Variants in RUNDC3B observed in about 807,000 individuals in gnomAD.
The protein encoded by RUNDC3B is RUN domain-containing protein 3B.
Under a neutral mutation model 58.4 loss-of-function variants are expected in RUNDC3B, and 33 were observed. That is an observed-to-expected ratio of 0.56 (90% CI 0.43 to 0.75). The LOEUF is 0.75. Ranked by LOEUF, RUNDC3B falls within the 30% of genes least tolerant of loss-of-function variation. The pLI, the probability that RUNDC3B is intolerant of heterozygous loss-of-function variation, is 0.00. For synonymous variants in RUNDC3B, 193 were observed against 195.2 expected (o/e 0.99, Z 0.10); for missense variants, 501 against 535.7 (o/e 0.94, Z 0.64).
At chr7:87,697,537 AT>A (rs1828598787) in intron 2 of RUNDC3B, among the ~76,000 whole-genome samples, 1 of 152,214 alleles carries the variant, frequency 6.6e-6, no homozygotes. Context: ...AGTTTGGAAG[AT>A]TTCTCTAGAT....
chr7:87,749,929 C>G (rs1832865871), intron 6 of RUNDC3B, among the ~76,000 whole-genome samples: 1 of 151,454 alleles, frequency 6.6e-6, no homozygotes, highest in African/African-American at 2.4e-5. Flanking sequence ...GCACAATGTG[C>G]AGGTTACTTA....
At chr7:87,653,076 A>C (rs544950343) in intron 2 of RUNDC3B, among the ~76,000 whole-genome samples, 1 of 152,176 alleles carries the variant, frequency 6.6e-6, no homozygotes, top group East Asian at 1.9e-4. Context: ...ATTGAAGAAA[A>C]GGAGGCTTTT....
At chr7:87,788,526 C>T (rs1392599879) in intron 8 of RUNDC3B, among the ~76,000 whole-genome samples, 1 of 152,052 alleles carries the variant, frequency 6.6e-6, no homozygotes, top group Non-Finnish European at 1.5e-5. Flanking sequence ...TTATGGAAAT[C>T]TGTGTACAGC....
intron 1 of RUNDC3B, among the ~76,000 whole-genome samples, chr7:87,633,585 T>G (rs1268799745): frequency 6.6e-6 from 1 of 152,242 alleles, no homozygotes; most frequent in Admixed American, 6.5e-5. Context: ...AGCAGTTCTT[T>G]TCTTTGTACT....
intron 2 of RUNDC3B, among the ~76,000 whole-genome samples, chr7:87,670,518 G>C (rs1161530275): frequency 1.3e-5 from 2 of 152,124 alleles, no homozygotes; most frequent in Non-Finnish European, 2.9e-5. Context: ...TTGGGGAATG[G>C]GTGTGGTCAT....
intron 10 of RUNDC3B, among the ~76,000 whole-genome samples, chr7:87,824,617 G>A (rs541886179): frequency 3.9e-5 from 6 of 152,334 alleles, no homozygotes; most frequent in African/African-American, 1.2e-4. Flanking sequence ...ACAGGCAGAG[G>A]TTGGAACAGT....
chr7:87,816,359 T>C, intron 10 of RUNDC3B, 97 bp downstream of exon 10: 2 of 856,324 alleles, frequency 2.3e-6, no homozygotes, highest in South Asian at 2.0e-5. Context: ...GACATCTCTG[T>C]TAATCATGCT....
intron 2 of RUNDC3B, chr7:87,694,110 T>C: frequency 7.0e-7 from 1 of 1,426,528 alleles, no homozygotes; most frequent in Non-Finnish European, 9.3e-7. Context: ...GTTTTTTTTT[T>C]TTAATCCAGA....
rs146431427 is a variant in RUNDC3B, at chr7:87,660,010, G to A, written c.238+9073G>A. ...TCTACTTTGCCAGATTTAGGATTTC[G>A]GTTTGATAACATTTTAGAGGTTTAG... is the stretch of plus-strand genomic sequence containing the variant. On this transcript the variant is annotated intron_variant, in intron 2 of 10. Transcript: ENST00000394654. Among the ~76,000 whole-genome samples, 563 of 152,100 alleles carry A rather than the reference G, an allele frequency of 3.7e-3. 1 individual carries two copies. Among genetic ancestry groups the A allele is most frequent in the Non-Finnish European group, 5.6e-3 (378 of 67,960 alleles).
chr7:87,704,558 C>T (rs148164401), intron 3 of RUNDC3B, among the ~76,000 whole-genome samples: 29 of 152,310 alleles, frequency 1.9e-4, no homozygotes, highest in African/African-American at 7.0e-4. Flanking sequence ...GACCAACTCT[C>T]TTAACAAGGC....
intron 2 of RUNDC3B, among the ~76,000 whole-genome samples, chr7:87,656,600 A>T (rs748545165): frequency 1.6e-4 from 24 of 152,106 alleles, no homozygotes; most frequent in Non-Finnish European, 3.2e-4. Context: ...AAATAGAATA[A>T]AGAAGAGAAA....
intron 2 of RUNDC3B, among the ~76,000 whole-genome samples, chr7:87,659,034 G>A: frequency 6.6e-6 from 1 of 152,038 alleles, no homozygotes. Flanking sequence ...GCGTCTGTGG[G>A]TCCCACCTAT....
At chr7:87,768,771 G>A (rs920370409) in intron 6 of RUNDC3B, among the ~76,000 whole-genome samples, 2 of 151,978 alleles carry the variant, frequency 1.3e-5, no homozygotes, top group African/African-American at 4.8e-5. Flanking sequence ...TTCCTGCATG[G>A]TCTCCAACAG....
intron 2 of RUNDC3B, among the ~76,000 whole-genome samples, chr7:87,682,102 T>C (rs900384862): frequency 1.3e-5 from 2 of 152,218 alleles, no homozygotes; most frequent in African/African-American, 4.8e-5. Context: ...GAAACCACTT[T>C]CTTTGCTCAT....
At chr7:87,817,540 A>T (rs1015584076) in intron 10 of RUNDC3B, among the ~76,000 whole-genome samples, 1 of 152,164 alleles carries the variant, frequency 6.6e-6, no homozygotes, top group African/African-American at 2.4e-5. Flanking sequence ...CTATTTCTTC[A>T]GGCTGGTTCC....
intron 1 of RUNDC3B, 161 bp downstream of exon 1, chr7:87,629,106 G>C: frequency 1.6e-6 from 1 of 623,146 alleles, no homozygotes; most frequent in Non-Finnish European, 2.4e-6. Flanking sequence ...CCTTGGACAG[G>C]GGCCCGGGTC....
chr7:87,720,174 A>G (rs1354343548), intron 4 of RUNDC3B, among the ~76,000 whole-genome samples: 2 of 152,184 alleles, frequency 1.3e-5, no homozygotes, highest in Admixed American at 6.6e-5. Flanking sequence ...AAGGGCAGAG[A>G]TGTAAACTGA....
At chr7:87,745,643 G>A (rs540712538) in intron 6 of RUNDC3B, among the ~76,000 whole-genome samples, 4 of 152,160 alleles carry the variant, frequency 2.6e-5, no homozygotes, top group African/African-American at 9.6e-5. Context: ...GTTTTCAGTG[G>A]TGTCAGTTGT....
chr7:87,754,925 A>G (rs1222882725), intron 6 of RUNDC3B, among the ~76,000 whole-genome samples: 1 of 150,618 alleles, frequency 6.6e-6, no homozygotes, highest in Admixed American at 6.6e-5. Flanking sequence ...TTGAATCAGT[A>G]ATAAATAGCT....
Sources: allele counts gnomAD v4.1 joint callset (sites outside exome capture counted in the v4.1 genomes callset), GRCh38; gene constraint gnomAD v4.1.1; transcripts MANE v1.5; gene names NCBI Gene and HGNC (gene_info 2026-07-23, HGNC 2026-07-21).